The following ASTN2 variants were observed in gnomAD, a reference collection of about 807,000 sequenced individuals.
The protein encoded by ASTN2 is astrotactin 2, also known as astrotactin-2.
Under a neutral mutation model 139.8 loss-of-function variants are expected in ASTN2, and 54 were observed. The ratio of observed to expected loss-of-function variants is 0.39; its 90% confidence interval spans 0.31 to 0.48. The LOEUF (loss-of-function observed/expected upper bound fraction) is 0.48, where lower values mean the gene tolerates loss of function less well. Among genes scored for constraint, ASTN2 ranks in the 20% least tolerant of loss-of-function variants. ASTN2 has a pLI of 0.95. For missense variants in ASTN2, 1,565 were observed against 1,725.1 expected, an observed-to-expected ratio of 0.91 and a Z score of 1.64; for synonymous variants, 756 against 719.5, an observed-to-expected ratio of 1.05 and a Z score of -0.81.
chr9:116,648,246 C>G (rs1233478940), intron 17 of ASTN2, among the ~76,000 whole-genome samples: 1 of 152,022 alleles, frequency 6.6e-6, no homozygotes, highest in Non-Finnish European at 1.5e-5. Flanking sequence ...ATGATCAGCC[C>G]GTCTCGGCCT....
At chr9:117,203,293 C>T (rs993161357) in intron 3 of ASTN2, among the ~76,000 whole-genome samples, 1 of 152,008 alleles carries the variant, frequency 6.6e-6, no homozygotes, top group Non-Finnish European at 1.5e-5. Flanking sequence ...GCTCCTTTAG[C>T]TCATCATGGT....
chr9:116,603,354 T>C (rs193279573), intron 19 of ASTN2, among the ~76,000 whole-genome samples: 72 of 152,270 alleles, frequency 4.7e-4, no homozygotes, highest in African/African-American at 1.6e-3. Context: ...AGTGGGATGT[T>C]AGAACTGATG....
chr9:116,637,038 G>A (rs1490090173), intron 17 of ASTN2, among the ~76,000 whole-genome samples: 2 of 152,190 alleles, frequency 1.3e-5, no homozygotes, highest in Non-Finnish European at 2.9e-5. Flanking sequence ...TGGAAGCAGA[G>A]AGCAACCCTC....
chr9:117,177,833 A>C (rs1308223683), intron 3 of ASTN2, among the ~76,000 whole-genome samples: 1 of 152,158 alleles, frequency 6.6e-6, no homozygotes, highest in African/African-American at 2.4e-5. Flanking sequence ...CTAATCCTCC[A>C]TGCTTCCTTT....
At chr9:117,217,827 T>C (rs546297175) in intron 2 of ASTN2, among the ~76,000 whole-genome samples, 1 of 152,340 alleles carries the variant, frequency 6.6e-6, no homozygotes, top group African/African-American at 2.4e-5. Flanking sequence ...AAGGAATGAA[T>C]GACTTGAGTT....
intron 10 of ASTN2, among the ~76,000 whole-genome samples, chr9:116,869,092 G>C (rs1004950177): frequency 6.6e-6 from 1 of 152,078 alleles, no homozygotes; most frequent in Non-Finnish European, 1.5e-5. Context: ...GGCTGAAGCA[G>C]GAGAATTGCT....
chr9:116,895,437 A>G (rs993820939), intron 10 of ASTN2, among the ~76,000 whole-genome samples: 3 of 152,204 alleles, frequency 2.0e-5, no homozygotes, highest in African/African-American at 4.8e-5. Flanking sequence ...CCAGGGGTCA[A>G]GTCTTTGCTA....
In ASTN2 at chr9:117,412,589, C is replaced by A. The variant is rs557327590; in HGVS notation, c.442+1908G>T. ...GATGGTTGGAGCAGGTCCTCCATAT[C>A]CTCGAAGACTTGAAATGCTCTGTGG... On this transcript the variant is annotated intron_variant, in intron 1 of 22. Coordinates refer to ENST00000313400, the MANE Select transcript of ASTN2 (RefSeq NM_001365068.1). Among the ~76,000 whole-genome samples the A allele has an allele frequency of 7.9e-5, 12 of 152,298 alleles. No homozygotes were observed. The East Asian group carries it at 1.7e-3, about 22-fold the overall frequency.
intron 3 of ASTN2, among the ~76,000 whole-genome samples, chr9:117,207,731 A>T (rs1286844341): frequency 5.3e-5 from 8 of 152,168 alleles, no homozygotes; most frequent in Admixed American, 5.2e-4. Flanking sequence ...TCCTGGCCAG[A>T]GGAACAGCCC....
At chr9:117,135,504 A>G (rs1237258625) in intron 4 of ASTN2, among the ~76,000 whole-genome samples, 4 of 152,186 alleles carry the variant, frequency 2.6e-5, no homozygotes, top group African/African-American at 9.7e-5. Context: ...ATTTATTCAT[A>G]TATTCTTCCA....
chr9:116,712,685 T>C (rs115117922), intron 16 of ASTN2, among the ~76,000 whole-genome samples: 1,693 of 152,282 alleles, frequency 0.011, 26 homozygotes, highest in African/African-American at 0.036. Flanking sequence ...TGCTTTTCCT[T>C]AGAGAATCTT....
At chr9:116,914,603 TCA>T (rs1834395859) in intron 10 of ASTN2, among the ~76,000 whole-genome samples, 1 of 150,964 alleles carries the variant, frequency 6.6e-6, no homozygotes, top group African/African-American at 2.4e-5. Context: ...AATCTCAATC[TCA>T]GTCTTCATGA....
At chr9:117,155,151 T>C (rs1471476430) in intron 3 of ASTN2, among the ~76,000 whole-genome samples, 1 of 152,010 alleles carries the variant, frequency 6.6e-6, no homozygotes, top group Non-Finnish European at 1.5e-5. Context: ...CAGAAATTGT[T>C]TCTATCCCAT....
intron 10 of ASTN2, among the ~76,000 whole-genome samples, chr9:116,902,702 G>A (rs1038129608): frequency 2.6e-5 from 4 of 152,052 alleles, no homozygotes; most frequent in South Asian, 2.1e-4. Flanking sequence ...ATGCATGACT[G>A]TATATCCTTT....
At chr9:117,412,956 C>CTG (rs1242490845) in intron 1 of ASTN2, among the ~76,000 whole-genome samples, 1 of 152,080 alleles carries the variant, frequency 6.6e-6, no homozygotes, top group Non-Finnish European at 1.5e-5. Context: ...TTGTGTGTGT[C>CTG]TGTGTGTGTG....
At chr9:116,895,138 A>T (rs1195975540) in intron 10 of ASTN2, among the ~76,000 whole-genome samples, 2 of 152,224 alleles carry the variant, frequency 1.3e-5, no homozygotes, top group Non-Finnish European at 2.9e-5. Flanking sequence ...GTGCGACATG[A>T]CACCTCAGGT....
intron 3 of ASTN2, among the ~76,000 whole-genome samples, chr9:117,164,865 C>T (rs1435357847): frequency 1.3e-5 from 2 of 152,096 alleles, no homozygotes; most frequent in Non-Finnish European, 2.9e-5. Flanking sequence ...AATGCCCTCT[C>T]CATGTGGGCA....
At position 116,865,507 on chromosome 9, in the gene ASTN2, C is replaced by T. The variant is rs142156963; in HGVS notation, c.1890-1774G>A. 2.4e-3 allele frequency among the ~76,000 whole-genome samples: 348 copies of T among 145,690 alleles called. 2 individuals carry two copies. The highest frequency in any genetic ancestry group is 7.0e-3 in the South Asian group (32 of 4,548). Reference sequence around the variant, plus strand: ...TAAAGAGAGAGACTGATCTACAGTGCGGGTCTAAAGTATCAGTTGTTCCTG... The same window carrying T: ...TAAAGAGAGAGACTGATCTACAGTGTGGGTCTAAAGTATCAGTTGTTCCTG... On this transcript the variant is annotated intron_variant, in intron 10 of 22. Transcript: ENST00000313400.
intron 10 of ASTN2, among the ~76,000 whole-genome samples, chr9:116,934,283 C>T (rs927224967): frequency 2.0e-5 from 3 of 152,050 alleles, no homozygotes; most frequent in African/African-American, 7.3e-5. Context: ...AAATTTTCTT[C>T]CAAGCCCCCT....
Sources: allele counts gnomAD v4.1 joint callset (sites outside exome capture counted in the v4.1 genomes callset), GRCh38; gene constraint gnomAD v4.1.1; transcripts MANE v1.5; gene names NCBI Gene and HGNC (gene_info 2026-07-23, HGNC 2026-07-21).